Variants in SRM observed in about 807,000 individuals in gnomAD.
SRM encodes spermidine synthase.
A neutral mutation model predicts 39.3 loss-of-function variants in SRM; 14 were observed. That is an observed-to-expected ratio of 0.36 (90% CI 0.24 to 0.56). The LOEUF is 0.56. Among genes scored for constraint, SRM ranks in the 20% least tolerant of loss-of-function variants. The pLI is 0.86. For synonymous variants in SRM, 195 were observed against 173.1 expected, an observed-to-expected ratio of 1.13 and a Z score of -0.99; for missense variants, 244 against 409.2, an observed-to-expected ratio of 0.60 and a Z score of 3.48.
chr1:11,055,068 T>C lies in SRM; in HGVS notation c.782A>G (p.Glu261Gly). The C allele has an allele frequency of 6.2e-7, 1 of 1,610,158 alleles. No homozygotes were observed. Among genetic ancestry groups the C allele is most frequent in the Non-Finnish European group, 8.5e-7 (1 of 1,178,682 alleles). The change falls in exon 7 of 8, where the codon GAG (glutamate) becomes GGG (glycine). Residue 261 changes from glutamate to glycine, a missense_variant. Physicochemically the swap from Glu to Gly is moderately conservative, Grantham distance 98 (BLOSUM62 -2). Coordinates refer to ENST00000376957, the MANE Select transcript of SRM (RefSeq NM_003132.3). The stretch of plus-strand genomic sequence containing the variant: ...CTGCTGTGTCAGCGGCTGCACCGGC[T>C]CCTGGAAGTTCGTGCTCTGGGGACC... ...CSKNPSTNFQ[E>G]PVQPLTQQQV...
chr1:11,059,655 A>AG, intron 1 of SRM, 122 bp downstream of exon 1: 1 of 1,204,962 alleles, frequency 8.3e-7, no homozygotes, highest in Non-Finnish European at 1.1e-6. Flanking sequence ...AGGGGTGGCG[A>AG]GGGGGCCAGG....
In SRM at chr1:11,058,781, G is replaced by A; in HGVS notation, c.381+19C>T. ...CTGGGAGAACCAGGACTCAAACCTGGCTCTACGCCGGCACTCACCTCGTCG... is the reference window on the plus strand; with the variant it reads ...CTGGGAGAACCAGGACTCAAACCTGACTCTACGCCGGCACTCACCTCGTCG... On this transcript the variant is annotated intron_variant, in intron 3 of 7. Coordinates refer to ENST00000376957, the MANE Select transcript of SRM (RefSeq NM_003132.3). 6.3e-7 allele frequency: 1 copy of A among 1,591,928 alleles called. No homozygotes were observed. Among genetic ancestry groups the A allele is most frequent in the Middle Eastern group, 1.7e-4 (1 of 5,998 alleles).
At position 11,055,762 on chromosome 1, in the gene SRM, C is replaced by T. The variant is rs922898942; in HGVS notation, c.765+19G>A. ...CCCACCTTCCCCCCAACCCCCACCC[C>T]CAGACACCCCCATCTCACCGGGTTC... On this transcript the variant is annotated intron_variant, in intron 6 of 7. Transcript: ENST00000376957. The T allele has an allele frequency of 1.3e-6, 2 of 1,544,264 alleles. No homozygotes were observed. The highest frequency in any genetic ancestry group is 1.7e-6 in the Non-Finnish European group (2 of 1,143,412).
intron 3 of SRM, 113 bp from the exon 4 acceptor site, chr1:11,056,870 T>G: frequency 1.9e-6 from 2 of 1,046,818 alleles, no homozygotes; most frequent in Non-Finnish European, 2.8e-6. Context: ...GGCCAACCCC[T>G]TCCCTTTTTT....
At chr1:11,056,521 T>C (rs1473873301) in intron 4 of SRM, 83 bp downstream of exon 4, 37 of 1,558,204 alleles carry the variant, frequency 2.4e-5, no homozygotes, top group Non-Finnish European at 3.2e-5. Context: ...GAGGCCGCTC[T>C]ATCCTTTACT....
At chr1:11,057,940 G>A (rs1460454085) in intron 3 of SRM, among the ~76,000 whole-genome samples, 6 of 151,866 alleles carry the variant, frequency 4.0e-5, no homozygotes, top group South Asian at 2.1e-4. Flanking sequence ...TACCATGCCC[G>A]GCTAATTTTT....
intron 3 of SRM, among the ~76,000 whole-genome samples, chr1:11,058,025 C>T (rs148912569): frequency 0.013 from 1,995 of 152,122 alleles, 24 homozygotes; most frequent in Middle Eastern, 0.027. Context: ...GTGATCTGCC[C>T]GCCTTGGCGT....
intron 6 of SRM, 125 bp from the exon 7 acceptor site, chr1:11,055,209 C>A: frequency 7.3e-7 from 1 of 1,366,118 alleles, no homozygotes; most frequent in Non-Finnish European, 9.6e-7. Flanking sequence ...CCTCTGTCTC[C>A]CAGGTTCAAG....
chr1:11,058,970 C>T, intron 2 of SRM, 78 bp from the exon 3 acceptor site: 1 of 1,386,400 alleles, frequency 7.2e-7, no homozygotes, highest in Non-Finnish European at 9.7e-7. Flanking sequence ...ACCCCCTGAC[C>T]CCTCGGACCC....
chr1:11,055,412 G>C (rs1469190269), intron 6 of SRM, among the ~76,000 whole-genome samples: 1 of 150,450 alleles, frequency 6.6e-6, no homozygotes, highest in African/African-American at 2.5e-5. Context: ...CCTGGCCTGG[G>C]GAGGGTTTTT....
In SRM at chr1:11,054,977, G is replaced by T; in HGVS notation, c.873C>A (p.Pro291=). The T allele has an allele frequency of 6.2e-7, 1 of 1,612,460 alleles. No individual in the cohort carries two copies. Among genetic ancestry groups the T allele is most frequent in the Non-Finnish European group, 8.5e-7 (1 of 1,179,888 alleles). The change falls in exon 7 of 8, where the codon CCC becomes CCA. Residue 291 remains proline (P), a synonymous_variant. Coordinates refer to ENST00000376957, the MANE Select transcript of SRM (RefSeq NM_003132.3). The surrounding 1 kb of genome is among the most constrained non-coding windows in gnomAD (Gnocchi z 4.8). The part of the protein sequence containing the change: ...SDVHRAAFVL[P]EFARKALNDV... ...GGCCACCCACCTTGCGGGCAAACTC[G>T]GGCAGCACAAAGGCGGCGCGGTGCA...
At position 11,054,740 on chromosome 1, in the gene SRM, G is replaced by T; in HGVS notation, c.*125C>A. 1 of 1,376,644 alleles carries T rather than the reference G, an allele frequency of 7.3e-7. No individual in the cohort carries two copies. Among genetic ancestry groups the T allele is most frequent in the Non-Finnish European group, 9.7e-7 (1 of 1,030,628 alleles). The allele number at this position is 1,376,644 out of a possible 1,614,324, so 85.3% of individuals were successfully genotyped here. ...CAGGGCAGGCCGGGCAGCATTCTGG[G>T]GCTTGTAACACTTGGTTGGTGGGCG... On this transcript the variant is annotated 3_prime_UTR_variant, in exon 8 of 8. Coordinates refer to ENST00000376957, the MANE Select transcript of SRM (RefSeq NM_003132.3). The surrounding 1 kb of genome is among the most constrained non-coding windows in gnomAD (Gnocchi z 4.8).
intron 1 of SRM, 110 bp downstream of exon 1, chr1:11,059,667 C>T (rs2100924587): frequency 7.7e-7 from 1 of 1,293,456 alleles, no homozygotes; most frequent in African/African-American, 1.5e-5. Context: ...GGGGCCAGGG[C>T]AGGACGAGGT....
chr1:11,055,752 A>ACCCCCC, intron 6 of SRM, 29 bp downstream of exon 6: 1 of 1,466,018 alleles, frequency 6.8e-7, no homozygotes, highest in Non-Finnish European at 9.3e-7. Context: ...CTTCCCCCCA[A>ACCCCCC]CCCCCACCCC....
intron 3 of SRM, 170 bp downstream of exon 3, chr1:11,058,630 C>T (rs1383036993): frequency 9.6e-6 from 5 of 521,466 alleles, no homozygotes; most frequent in South Asian, 3.2e-5. Context: ...CCCTCACCAC[C>T]TGCCAGGCCC....
chr1:11,058,662 T>C (rs1376310508), intron 3 of SRM, 138 bp downstream of exon 3: 5 of 703,522 alleles, frequency 7.1e-6, no homozygotes, highest in Non-Finnish European at 2.3e-6. Context: ...GTTTTCCTAC[T>C]GAACCCTCCC....
chr1:11,059,594 C>G, intron 1 of SRM, 183 bp downstream of exon 1: 1 of 928,654 alleles, frequency 1.1e-6, no homozygotes, highest in Non-Finnish European at 1.6e-6. Context: ...CCGACTCCCC[C>G]ACCCAAGAGG....
intron 1 of SRM, 112 bp from the exon 2 acceptor site, chr1:11,059,457 G>A (rs771463615): frequency 2.0e-6 from 3 of 1,530,006 alleles, no homozygotes; most frequent in Non-Finnish European, 2.7e-6. Flanking sequence ...TCCCAGGGAT[G>A]AGGAGCGATG....
chr1:11,055,445 T>C (rs1260652083), intron 6 of SRM, among the ~76,000 whole-genome samples: 1 of 149,504 alleles, frequency 6.7e-6, no homozygotes, highest in Admixed American at 6.6e-5. Context: ...GTCGGAATCT[T>C]CCTCTGTTAC....
Sources: gnomAD v4.1 joint callset for allele counts (sites outside exome capture counted in the v4.1 genomes callset) on GRCh38, gnomAD v4.1.1 for gene constraint, Gnocchi (gnomAD v3.1) non-coding constraint, MANE v1.5 for transcripts, NCBI Gene and HGNC (gene_info 2026-07-23, HGNC 2026-07-21) for gene names.